Variants in CPD observed in about 807,000 individuals in gnomAD.
The protein encoded by CPD is carboxypeptidase D.
A neutral mutation model predicts 138.3 loss-of-function variants in CPD; 69 were observed. The ratio of observed to expected loss-of-function variants is 0.50; its 90% CI spans 0.41 to 0.61. The LOEUF (loss-of-function observed/expected upper bound fraction) is 0.61, where lower values mean the gene tolerates loss of function less well. CPD is among the 20% of genes least tolerant of loss of function. The pLI is 0.00. For synonymous variants in CPD, 651 were observed against 642.1 expected (o/e 1.01, Z -0.21); for missense variants, 1,432 against 1,733.3 (o/e 0.83, Z 3.09).
chr17:30,378,971 C>T lies in CPD; in HGVS notation c.-10C>T. On this transcript the variant is annotated 5_prime_UTR_variant, in exon 1 of 21. Coordinates refer to ENST00000225719, the MANE Select transcript of CPD (RefSeq NM_001304.5). ...GGGAGCGGAGCCGGGGTTAGCGGCG[C>T]TGCTGGAAGATGGCGAGCGGCCGGG... The T allele has an allele frequency of 1.3e-6, 2 of 1,511,718 alleles. No homozygotes were observed. Among genetic ancestry groups the T allele is most frequent in the Non-Finnish European group, 1.8e-6 (2 of 1,141,910 alleles). 93.6% of individuals were successfully genotyped at this position (1,511,718 alleles called of 1,614,324 possible).
Position 30,422,897 on chromosome 17 carries a change from ATCT to A in CPD, c.1536_1538del (p.Phe512del), listed in dbSNP as rs1161780502. 3.1e-6 allele frequency: 5 copies of A among 1,614,082 alleles called. No individual in the cohort carries two copies. Among genetic ancestry groups the A allele is most frequent in the Admixed American group, 3.3e-5 (2 of 60,022 alleles). ...CCACCACCATTTCCCTGATATGGAA[ATCT>A]TCTTGAGAAGGTTTGCCAATGAATA... is the stretch of plus-strand genomic sequence containing the variant. On this transcript the variant is annotated inframe_deletion, in exon 5 of 21. Transcript: ENST00000225719.
intron 15 of CPD, 143 bp from the exon 16 acceptor site, chr17:30,456,113 T>C: frequency 1.6e-6 from 1 of 623,052 alleles, no homozygotes. Context: ...TAAAACCTTT[T>C]AGGGTTAATT....
chr17:30,429,316 T>C (rs1479750849), intron 7 of CPD, among the ~76,000 whole-genome samples: 1 of 152,218 alleles, frequency 6.6e-6, no homozygotes, highest in Non-Finnish European at 1.5e-5. Context: ...AAGTTAATAA[T>C]AGTTACATTC....
At chr17:30,421,637 T>G in intron 3 of CPD, 27 bp from the exon 4 acceptor site, 1 of 1,609,966 alleles carries the variant, frequency 6.2e-7, no homozygotes, top group Non-Finnish European at 8.5e-7. Flanking sequence ...ATTCACCGTC[T>G]CTGAGCTTGG....
Position 30,462,057 on chromosome 17 carries a change from T to C in CPD, c.3811T>C (p.Ser1271Pro). 2 of 1,606,044 alleles carry C rather than the reference T, an allele frequency of 1.2e-6. No homozygotes were observed. Among genetic ancestry groups the C allele is most frequent in the Non-Finnish European group, 1.7e-6 (2 of 1,177,512 alleles). The change falls in exon 19 of 21, where the codon TCA becomes CCA. Residue 1271 changes from serine (S) to proline (P), a missense_variant. Ser to Pro is a moderately conservative substitution (Grantham distance 74, BLOSUM62 -1). This residue lies in a region of CPD where 366 missense variants were observed against 518.8 expected (regional missense o/e 0.71). Transcript: ENST00000225719. ...CGCTGATGGGTACCAGCAACAACAT[T>C]CACAGGTAAGAAACTCAAATTGAGT... ...AIADGYQQQH[S>P]QVFVHHDAAS...
intron 2 of CPD, among the ~76,000 whole-genome samples, chr17:30,410,984 G>A (rs1052509516): frequency 3.0e-4 from 45 of 152,122 alleles, no homozygotes; most frequent in South Asian, 1.2e-3. Context: ...ATGTTTTTGC[G>A]GTGGCTGGTA....
intron 2 of CPD, among the ~76,000 whole-genome samples, chr17:30,417,934 T>C (rs1305160110): frequency 2.0e-5 from 3 of 152,180 alleles, no homozygotes; most frequent in Admixed American, 6.5e-5. Context: ...TCTGTGCTGC[T>C]GCCCTCATTC....
intron 13 of CPD, 81 bp downstream of exon 13, chr17:30,449,829 A>C (rs968344463): frequency 1.6e-6 from 2 of 1,266,782 alleles, no homozygotes; most frequent in Non-Finnish European, 2.2e-6. Context: ...TAAAATTTTT[A>C]ATTTCTTGCT....
rs551278103 is a variant in CPD, at chr17:30,382,506, C to G, written c.747-2483C>G. On this transcript the variant is annotated intron_variant, in intron 1 of 20. Transcript: ENST00000225719. ...GACAAAAACTCAAAGCATAATCTTA[C>G]AGCCATTGTAGTCACTTTCTCTTGA... Among the ~76,000 whole-genome samples the G allele has an allele frequency of 6.6e-5, 10 of 152,274 alleles. No homozygotes were observed. In the South Asian group the frequency reaches 2.1e-3, roughly 32 times the overall value.
At chr17:30,423,400 T>C in intron 5 of CPD, 106 bp from the exon 6 acceptor site, 1 of 799,084 alleles carries the variant, frequency 1.3e-6, no homozygotes, top group South Asian at 2.7e-5. Context: ...AAAATACATG[T>C]TTAAAAAATT....
At position 30,402,849 on chromosome 17, in the gene CPD, A is replaced by G. The variant is rs142189258; in HGVS notation, c.994+17613A>G. 7.1e-3 allele frequency among the ~76,000 whole-genome samples: 1,084 copies of G among 152,188 alleles called. 8 individuals are homozygous for G. The highest frequency in any genetic ancestry group is 0.025 in the African/African-American group (1,042 of 41,528). Reference sequence around the variant, plus strand: ...TGGCTGGGTGTGGTGGCTCACACCTATAATCCCAGCACTTTGAGAGGCCGA... The same window carrying G: ...TGGCTGGGTGTGGTGGCTCACACCTGTAATCCCAGCACTTTGAGAGGCCGA... On this transcript the variant is annotated intron_variant, in intron 2 of 20. Coordinates refer to ENST00000225719, the MANE Select transcript of CPD (RefSeq NM_001304.5).
Position 30,445,909 on chromosome 17 carries a change from G to T in CPD, c.2762G>T (p.Arg921Leu). ...AATGGTTTGGAAAGCCTCATGTTACGCTCCTCCTCAAATCTGGCTCTGGCT... is the reference window on the plus strand; with the variant it reads ...AATGGTTTGGAAAGCCTCATGTTACTCTCCTCCTCAAATCTGGCTCTGGCT... The part of the protein sequence containing the change: ...AENGLESLML[R>L]SSSNLALALY... Residue 921 changes from arginine (R) to leucine (L), a missense_variant, in exon 12 of 21, where the codon CGC becomes CTC. Physicochemically the swap from Arg to Leu is moderately radical, Grantham distance 102. This residue lies in a region of CPD where 124 missense variants were observed against 117.0 expected (regional missense o/e 1.06). Coordinates refer to ENST00000225719, the MANE Select transcript of CPD (RefSeq NM_001304.5). 6.2e-7 allele frequency: 1 copy of T among 1,614,064 alleles called. No individual in the cohort carries two copies. Among genetic ancestry groups the T allele is most frequent in the Non-Finnish European group, 8.5e-7 (1 of 1,179,988 alleles).
intron 2 of CPD, among the ~76,000 whole-genome samples, chr17:30,405,131 G>A (rs55799138): frequency 0.013 from 1,983 of 152,196 alleles, 44 homozygotes; most frequent in African/African-American, 0.046. Flanking sequence ...CACAGAAACC[G>A]TCTGTGGTCT....
At chr17:30,412,486 T>G (rs1911992550) in intron 2 of CPD, among the ~76,000 whole-genome samples, 2 of 152,008 alleles carry the variant, frequency 1.3e-5, no homozygotes, top group Admixed American at 1.3e-4. Context: ...CCCACAGAGG[T>G]GGAATCTATA....
At chr17:30,453,299 T>C (rs560516072) in intron 14 of CPD, among the ~76,000 whole-genome samples, 1 of 152,270 alleles carries the variant, frequency 6.6e-6, no homozygotes, top group South Asian at 2.1e-4. Context: ...GTACAGGCAT[T>C]GAGTAAATAC....
chr17:30,408,111 AAT>A, intron 2 of CPD, among the ~76,000 whole-genome samples: 1 of 152,258 alleles, frequency 6.6e-6, no homozygotes, highest in East Asian at 1.9e-4. Flanking sequence ...AGGTTTGTCA[AAT>A]ATCAGATGGT....
intron 15 of CPD, 76 bp downstream of exon 15, chr17:30,455,546 C>T: frequency 6.6e-7 from 1 of 1,504,182 alleles, no homozygotes; most frequent in Non-Finnish European, 9.0e-7. Flanking sequence ...GTCCCTTCCA[C>T]ATTTTTATAA....
At chr17:30,459,038 G>C (rs1377610104) in intron 17 of CPD, among the ~76,000 whole-genome samples, 4 of 151,220 alleles carry the variant, frequency 2.6e-5, no homozygotes, top group Non-Finnish European at 5.9e-5. Flanking sequence ...CCCACTGAAT[G>C]GTTTTGGTAT....
rs866778606 is a variant in CPD at position 30,466,950 on chromosome 17, A to G, written c.*2136A>G. 1 of 152,582 alleles carries G rather than the reference A, an allele frequency of 6.6e-6. No individual in the cohort carries two copies. Among genetic ancestry groups the G allele is most frequent in the African/African-American group, 2.4e-5 (1 of 41,456 alleles). The allele number at this position is 152,582 out of a possible 1,614,324, so 9.5% of individuals were successfully genotyped here. ...ATTCTGCTATAAGTCTTGATCTTCA[A>G]TGAACTTTTAAATAATGCATTTAGC... On this transcript the variant is annotated 3_prime_UTR_variant, in exon 21 of 21. Transcript: ENST00000225719.
Sources: allele counts gnomAD v4.1 joint callset (sites outside exome capture counted in the v4.1 genomes callset), GRCh38; gene constraint gnomAD v4.1.1; regional missense constraint gnomAD v4.1.1; transcripts MANE v1.5; gene names NCBI Gene and HGNC (gene_info 2026-07-23, HGNC 2026-07-21).